Variants in CELF2 observed in about 807,000 individuals in gnomAD.
The protein encoded by CELF2 is CUG triplet repeat RNA-binding protein 2.
CELF2 carries 8 observed loss-of-function variants against 62.6 expected under a neutral mutation model. That is an observed-to-expected ratio of 0.13 (90% confidence interval 0.07 to 0.23). The LOEUF (loss-of-function observed/expected upper bound fraction) is 0.23. CELF2 is among the 10% of genes least tolerant of loss of function. CELF2 has a pLI of 1.00. For synonymous variants in CELF2, 258 were observed against 250.0 expected (o/e 1.03, Z -0.30); for missense variants, 333 against 671.0 (o/e 0.50, Z 5.56).
At chr10:10,599,720 T>A in the CELF2 span, among the ~76,000 whole-genome samples, 3 of 138,348 alleles carry the variant, frequency 2.2e-5, no homozygotes, top group African/African-American at 8.0e-5. Flanking sequence ...CCCTTTTCTT[T>A]CTTTCTTTTT....
the CELF2 span, among the ~76,000 whole-genome samples, chr10:10,766,184 G>C: frequency 6.6e-6 from 1 of 152,200 alleles, no homozygotes; most frequent in African/African-American, 2.4e-5. Flanking sequence ...TGGATGGTGA[G>C]AGGAGCCAAT....
chr10:10,622,819 C>T, the CELF2 span, among the ~76,000 whole-genome samples: 20 of 151,908 alleles, frequency 1.3e-4, 1 homozygote, highest in South Asian at 4.2e-4. Context: ...GGAAGCCGGG[C>T]GCGGTGGCTT....
In CELF2 at chr10:10,882,507, C is replaced by T. The variant is rs868680174; in HGVS notation, c.54-37457C>T. On this transcript the variant is annotated intron_variant, in intron 1 of 13. Transcript: ENST00000636488. Reference sequence around the variant, plus strand: ...TTGGTTTAATCCTCATTCATAGCTACGAAAATGTGTCCTGTCTTTCTCATG... The same window carrying T: ...TTGGTTTAATCCTCATTCATAGCTATGAAAATGTGTCCTGTCTTTCTCATG... Among the ~76,000 whole-genome samples the T allele has an allele frequency of 3.9e-5, 6 of 152,320 alleles. No individual in the cohort carries two copies. In the South Asian group the frequency reaches 8.3e-4, roughly 21 times the overall value.
the CELF2 span, among the ~76,000 whole-genome samples, chr10:10,655,088 G>C: frequency 6.6e-6 from 1 of 150,430 alleles, no homozygotes; most frequent in African/African-American, 2.4e-5. Flanking sequence ...GACAAATAGA[G>C]AGCCAAATCA....
chr10:10,768,630 G>C, the CELF2 span, among the ~76,000 whole-genome samples: 2 of 149,076 alleles, frequency 1.3e-5, no homozygotes, highest in South Asian at 4.2e-4. Flanking sequence ...CTGGAGTGCA[G>C]TGACACGATC....
In CELF2 at chr10:11,046,614, A is replaced by G. The variant is rs1003279406; in HGVS notation, c.74+28451A>G. Among the ~76,000 whole-genome samples, 1 of 152,152 alleles carries G rather than the reference A, an allele frequency of 6.6e-6. No homozygotes were observed. The highest frequency in any genetic ancestry group is 1.5e-5 in the Non-Finnish European group (1 of 68,022). ...AGTACGAGCTTTTTCATAGACTCCAAGGTTCTCCTCATTTACCCTTTCTTT... is the reference window on the plus strand; with the variant it reads ...AGTACGAGCTTTTTCATAGACTCCAGGGTTCTCCTCATTTACCCTTTCTTT... On this transcript the variant is annotated intron_variant, in intron 1 of 12. Transcript: ENST00000633077. The surrounding 1 kb of genome is among the most constrained non-coding windows in gnomAD (Gnocchi z 4.6).
At chr10:10,549,375 C>A in the CELF2 span, among the ~76,000 whole-genome samples, 43 of 152,322 alleles carry the variant, frequency 2.8e-4, no homozygotes, top group Admixed American at 1.2e-3. Context: ...CTTCCGCCTC[C>A]TGTGTTCAAG....
chr10:11,048,373 C>T (rs12250271), intron 1 of CELF2, among the ~76,000 whole-genome samples: 9,736 of 152,176 alleles, frequency 0.064, 1,059 homozygotes, highest in African/African-American at 0.22. Flanking sequence ...CTCAGTATTA[C>T]GTATATAAAA....
intron 1 of CELF2, among the ~76,000 whole-genome samples, chr10:10,903,297 A>T (rs1334517975): frequency 1.3e-5 from 2 of 152,190 alleles, no homozygotes; most frequent in Non-Finnish European, 2.9e-5. Flanking sequence ...ATCTGCTCCC[A>T]GGATGTCAGA....
At position 11,260,201 on chromosome 10, in the gene CELF2, G is replaced by A. The variant is rs552857461; in HGVS notation, c.538+2329G>A. 6.6e-5 allele frequency among the ~76,000 whole-genome samples: 10 copies of A among 152,316 alleles called. No individual in the cohort carries two copies. In the South Asian group the frequency reaches 2.1e-3, roughly 32 times the overall value. On this transcript the variant is annotated intron_variant, in intron 5 of 12. Coordinates refer to ENST00000633077, the MANE Select transcript of CELF2 (RefSeq NM_001326342.2). The surrounding 1 kb of genome is among the most constrained non-coding windows in gnomAD (Gnocchi z 4.2). The stretch of plus-strand genomic sequence containing the variant: ...GCTTCTCTTGCAGGGAGTCATTCAC[G>A]GCTGGTGTGCTAGCTTTTCGTCTGA...
chr10:10,555,974 T>C, the CELF2 span, among the ~76,000 whole-genome samples: 1 of 152,216 alleles, frequency 6.6e-6, no homozygotes, highest in Non-Finnish European at 1.5e-5. Context: ...TATTTTCCTA[T>C]GTGTATATAT....
the CELF2 span, among the ~76,000 whole-genome samples, chr10:10,642,319 C>T: frequency 6.6e-6 from 1 of 152,188 alleles, no homozygotes; most frequent in Non-Finnish European, 1.5e-5. Context: ...AACCTTCATA[C>T]TCTCTCTGAA....
intron 1 of CELF2, among the ~76,000 whole-genome samples, chr10:11,146,999 C>T (rs1403152012): frequency 3.3e-5 from 5 of 152,162 alleles, no homozygotes; most frequent in Non-Finnish European, 7.3e-5. Context: ...TTGCAAGATG[C>T]CTAAATAAAA....
chr10:11,134,407 T>A (rs946714967), intron 1 of CELF2, among the ~76,000 whole-genome samples: 2 of 152,250 alleles, frequency 1.3e-5, no homozygotes, highest in African/African-American at 4.8e-5. Context: ...CCCTGGGAAC[T>A]TTCGGTAGCC....
the CELF2 span, among the ~76,000 whole-genome samples, chr10:10,784,946 C>T: frequency 6.6e-6 from 1 of 152,148 alleles, no homozygotes; most frequent in Non-Finnish European, 1.5e-5. Flanking sequence ...CATAGGTAGG[C>T]TTGGATCCAT....
At chr10:11,215,321 A>G (rs1188608200) in intron 2 of CELF2, among the ~76,000 whole-genome samples, 4 of 152,122 alleles carry the variant, frequency 2.6e-5, no homozygotes, top group Non-Finnish European at 5.9e-5. Context: ...AATTCACTCC[A>G]TTTACGTCAT....
At chr10:10,765,561 G>A in the CELF2 span, among the ~76,000 whole-genome samples, 1 of 152,168 alleles carries the variant, frequency 6.6e-6, no homozygotes, top group East Asian at 1.9e-4. Context: ...GCCGTAAGAG[G>A]AAATATAAAA....
chr10:10,931,348 C>T lies in CELF2; in HGVS notation c.89+11349C>T, dbSNP rs1473762112. On this transcript the variant is annotated intron_variant, in intron 2 of 13. Transcript: ENST00000636488. This position sits in a 1 kb window ranked among gnomAD's most constrained non-coding sequence, Gnocchi z 6.1. ...CTGACTATTCATCCTTAAACCTCTG[C>T]TTGTCATGCTGGCTGGGGGTGGGGG... 6.6e-6 allele frequency among the ~76,000 whole-genome samples: 1 copy of T among 152,080 alleles called. No individual in the cohort carries two copies. The highest frequency in any genetic ancestry group is 1.5e-5 in the Non-Finnish European group (1 of 68,022).
the CELF2 span, among the ~76,000 whole-genome samples, chr10:10,643,074 A>G: frequency 6.6e-6 from 1 of 152,270 alleles, no homozygotes; most frequent in African/African-American, 2.4e-5. Context: ...TAAATGTTTT[A>G]ACTGTCACAT....
Sources: gnomAD v4.1 joint callset for allele counts (sites outside exome capture counted in the v4.1 genomes callset) on GRCh38, gnomAD v4.1.1 for gene constraint, Gnocchi (gnomAD v3.1) non-coding constraint, MANE v1.5 for transcripts, NCBI Gene and HGNC (gene_info 2026-07-23, HGNC 2026-07-21) for gene names.